The following UPRT variants were observed in gnomAD, a reference collection of about 807,000 sequenced individuals.
UPRT encodes the protein uracil phosphoribosyltransferase homolog, also known as RP11-311P8.3.
In UPRT, 5 loss-of-function variants were observed where a neutral mutation model predicts 22.6. The ratio of observed to expected loss-of-function variants is 0.22; its 90% confidence interval spans 0.12 to 0.47. The LOEUF (loss-of-function observed/expected upper bound fraction) is 0.47, where lower values mean the gene tolerates loss of function less well. UPRT is among the 20% of genes least tolerant of loss of function. The pLI, the probability that UPRT is intolerant of heterozygous loss-of-function variation, is 0.99. For synonymous variants in UPRT, 77 were observed against 87.7 expected, an observed-to-expected ratio of 0.88 and a Z score of 0.68; for missense variants, 181 against 239.9, an observed-to-expected ratio of 0.75 and a Z score of 1.62.
intron 1 of UPRT, among the ~76,000 whole-genome samples, chrX:75,276,851 A>G (rs1348709716): frequency 9.0e-6 from 1 of 111,730 alleles, no homozygotes; most frequent in African/African-American, 3.3e-5. Flanking sequence ...TCACCCCAGC[A>G]AGAAACCTCA....
At chrX:75,217,733 C>T (rs2082397375) in intron 4 of UPRT, among the ~76,000 whole-genome samples, 1 of 111,880 alleles carries the variant, frequency 8.9e-6, no homozygotes, top group Non-Finnish European at 1.9e-5. Flanking sequence ...AATAACGCCG[C>T]ATATCTGCAA....
intron 4 of UPRT, among the ~76,000 whole-genome samples, chrX:75,251,850 G>T (rs1490079953): frequency 8.1e-5 from 9 of 111,036 alleles, no homozygotes; most frequent in Admixed American, 4.8e-4. Flanking sequence ...CATGGTACTG[G>T]TACCAAAACA....
intron 2 of UPRT, among the ~76,000 whole-genome samples, chrX:75,294,862 T>A (rs1213834861): frequency 6.2e-5 from 7 of 112,012 alleles, no homozygotes; most frequent in African/African-American, 2.3e-4. Context: ...GCTGTTCTTA[T>A]GCTCTTTTTC....
chrX:75,175,512 A>G (rs983615164), intron 4 of UPRT, among the ~76,000 whole-genome samples: 3 of 111,701 alleles, frequency 2.7e-5, no homozygotes, highest in Non-Finnish European at 5.6e-5. Flanking sequence ...GAGGAAGTCA[A>G]TTTCCTGGCC....
chrX:75,279,355 T>C lies in UPRT; in HGVS notation c.386+4715T>C, dbSNP rs186605861. ...TAAAACATGGACATATTTTCGGTTT[T>C]TGTGTGTTTCCCGTGTGAGTCCTCT... On this transcript the variant is annotated intron_variant, in intron 1 of 6. Coordinates refer to ENST00000373383, the MANE Select transcript of UPRT (RefSeq NM_145052.4). 7.4e-3 allele frequency among the ~76,000 whole-genome samples: 827 copies of C among 111,156 alleles called. 10 individuals are homozygous for C. The highest frequency in any genetic ancestry group is 0.026 in the African/African-American group (799 of 30,542).
At chrX:75,213,152 AT>A (rs980001816) in intron 4 of UPRT, among the ~76,000 whole-genome samples, 28 of 112,257 alleles carry the variant, frequency 2.5e-4, no homozygotes, top group South Asian at 1.1e-3. Flanking sequence ...GCTGTGTGCT[AT>A]TTGGAATGCA....
intron 4 of UPRT, among the ~76,000 whole-genome samples, chrX:75,200,755 T>C (rs1039521898): frequency 9.0e-6 from 1 of 110,630 alleles, no homozygotes; most frequent in Non-Finnish European, 1.9e-5. Context: ...CTAGAAAACA[T>C]AGTGAGTTCC....
chrX:75,292,326 G>C (rs1463254404), intron 1 of UPRT, among the ~76,000 whole-genome samples: 2 of 111,936 alleles, frequency 1.8e-5, no homozygotes, highest in African/African-American at 6.5e-5. Flanking sequence ...CTGTGTGTGT[G>C]TAGGTATGTG....
At chrX:75,255,543 G>A (rs2082546975) in intron 4 of UPRT, among the ~76,000 whole-genome samples, 1 of 111,758 alleles carries the variant, frequency 8.9e-6, no homozygotes, top group Non-Finnish European at 1.9e-5. Context: ...TGACCTAAAT[G>A]CTCCACTTAG....
chrX:75,242,572 A>G (rs999324605), intron 4 of UPRT, among the ~76,000 whole-genome samples: 2 of 109,661 alleles, frequency 1.8e-5, no homozygotes, highest in African/African-American at 6.6e-5. Flanking sequence ...CTTAGTTTCC[A>G]TTGTCTGCTC....
chrX:75,195,237 A>T (rs1285137890), intron 4 of UPRT, among the ~76,000 whole-genome samples: 1 of 112,494 alleles, frequency 8.9e-6, no homozygotes, highest in African/African-American at 3.2e-5. Context: ...TTGCCAGTGC[A>T]GGAACTATGA....
chrX:75,184,110 C>T (rs1391163707), intron 4 of UPRT, among the ~76,000 whole-genome samples: 1 of 111,580 alleles, frequency 9.0e-6, no homozygotes, highest in African/African-American at 3.3e-5. Flanking sequence ...TGCCTATGTC[C>T]TGAATGATAA....
intron 4 of UPRT, among the ~76,000 whole-genome samples, chrX:75,226,916 G>A (rs970244724): frequency 9.0e-6 from 1 of 110,971 alleles, no homozygotes; most frequent in Admixed American, 9.7e-5. Flanking sequence ...TTGAATGAAT[G>A]AATGAACTGA....
chrX:75,187,928 AT>A (rs937484109), intron 4 of UPRT, among the ~76,000 whole-genome samples: 7 of 110,877 alleles, frequency 6.3e-5, no homozygotes, highest in African/African-American at 2.3e-4. Context: ...ATTCTTCTAA[AT>A]TTTTTTCAAA....
rs1363470410 is a variant in UPRT at position 75,296,421 on chromosome X, G to A, written c.499+10G>A. On this transcript the variant is annotated intron_variant, in intron 3 of 6. Coordinates refer to ENST00000373383, the MANE Select transcript of UPRT (RefSeq NM_145052.4). ...GTGACCACTCCAACAGGTAACTAGGGCTGTTATTCTCAAATTTTCCTCATA... is the reference window on the plus strand; with the variant it reads ...GTGACCACTCCAACAGGTAACTAGGACTGTTATTCTCAAATTTTCCTCATA... 2 of 1,197,330 alleles carry A rather than the reference G, an allele frequency of 1.7e-6. No homozygotes were observed. The highest frequency in any genetic ancestry group is 3.5e-5 in the African/African-American group (2 of 56,951).
At chrX:75,263,240 A>T (rs772748449) in intron 4 of UPRT, among the ~76,000 whole-genome samples, 11 of 111,744 alleles carry the variant, frequency 9.8e-5, no homozygotes, top group Non-Finnish European at 2.1e-4. Flanking sequence ...TCATAAAATG[A>T]GTTAGGGAGG....
chrX:75,244,989 A>G (rs1210780865), intron 4 of UPRT, among the ~76,000 whole-genome samples: 1 of 111,107 alleles, frequency 9.0e-6, no homozygotes, highest in Admixed American at 9.6e-5. Context: ...TAAACAGACA[A>G]CCACAGAATG....
At chrX:75,270,698 T>G (rs2082605618), upstream of UPRT, among the ~76,000 whole-genome samples, 1 of 110,715 alleles carries the variant, frequency 9.0e-6, no homozygotes, top group East Asian at 2.9e-4. Context: ...TAAGTGTGAG[T>G]TGAACAATGA....
At chrX:75,199,737 A>T (rs1026438408) in intron 4 of UPRT, among the ~76,000 whole-genome samples, 1 of 111,491 alleles carries the variant, frequency 9.0e-6, no homozygotes, top group Non-Finnish European at 1.9e-5. Flanking sequence ...GCAATTCTTT[A>T]AAAAAAATTT....
Sources: gnomAD v4.1 joint callset for allele counts (sites outside exome capture counted in the v4.1 genomes callset) on GRCh38, gnomAD v4.1.1 for gene constraint, MANE v1.5 for transcripts, NCBI Gene and HGNC (gene_info 2026-07-23, HGNC 2026-07-21) for gene names.